JAM3: variants seen among roughly 807,000 people sequenced by gnomAD.
JAM3 encodes the protein junctional adhesion molecule 3, also known as junctional adhesion molecule C.
JAM3 carries 31 observed loss-of-function variants against 39.4 expected under a neutral mutation model. That is an observed-to-expected ratio of 0.79 (90% CI 0.59 to 1.06). The LOEUF is 1.06. JAM3 is among the 50% of genes least tolerant of loss of function. The probability of loss-of-function intolerance (pLI) is 0.00; values close to 1 mark genes in which losing one functional copy is unlikely to be tolerated. For missense variants in JAM3, 455 were observed against 391.4 expected (o/e 1.16, Z -1.37); for synonymous variants, 182 against 148.7 (o/e 1.22, Z -1.63).
intron 1 of JAM3, among the ~76,000 whole-genome samples, chr11:134,111,160 T>G (rs976999987): frequency 1.6e-5 from 2 of 127,116 alleles, no homozygotes; most frequent in East Asian, 5.3e-4. Context: ...TTTTTTTTTT[T>G]TGAGATGGAG....
At chr11:134,137,085 C>T (rs1029236473) in intron 1 of JAM3, among the ~76,000 whole-genome samples, 1 of 150,344 alleles carries the variant, frequency 6.7e-6, no homozygotes, top group Non-Finnish European at 1.5e-5. Flanking sequence ...TGCACTCCAG[C>T]CTGGCTGACA....
At chr11:134,109,048 C>G (rs1030380541) in intron 1 of JAM3, among the ~76,000 whole-genome samples, 1 of 152,118 alleles carries the variant, frequency 6.6e-6, no homozygotes, top group African/African-American at 2.4e-5. Flanking sequence ...CCTCCACCTC[C>G]CAGGTTCAAG....
At chr11:134,103,394 G>C (rs867447193) in intron 1 of JAM3, among the ~76,000 whole-genome samples, 9 of 152,176 alleles carry the variant, frequency 5.9e-5, no homozygotes, top group African/African-American at 2.2e-4. Context: ...ACCAGTACCA[G>C]CCACTGCAAA....
chr11:134,141,866 G>A (rs928076259), intron 3 of JAM3, among the ~76,000 whole-genome samples: 25 of 151,964 alleles, frequency 1.6e-4, no homozygotes, highest in Non-Finnish European at 1.3e-4. Flanking sequence ...TGCATGAGTC[G>A]GAGCCTGTGG....
At chr11:134,071,275 A>G (rs1941481225) in intron 1 of JAM3, among the ~76,000 whole-genome samples, 1 of 152,216 alleles carries the variant, frequency 6.6e-6, no homozygotes, top group Non-Finnish European at 1.5e-5. Flanking sequence ...TTTGTGGATG[A>G]GGGAACAGAA....
chr11:134,118,182 C>T (rs1403413664), intron 1 of JAM3, among the ~76,000 whole-genome samples: 2 of 152,188 alleles, frequency 1.3e-5, no homozygotes, highest in South Asian at 2.1e-4. Context: ...TGTGTTTAGT[C>T]ATACACATTT....
chr11:134,140,988 A>T (rs1177639828), intron 3 of JAM3, among the ~76,000 whole-genome samples: 4 of 152,076 alleles, frequency 2.6e-5, no homozygotes, highest in African/African-American at 9.7e-5. Flanking sequence ...CCCAGCATCA[A>T]CAAGTGCAGT....
chr11:134,105,047 CAA>C (rs965988435), intron 1 of JAM3, among the ~76,000 whole-genome samples: 2 of 151,922 alleles, frequency 1.3e-5, no homozygotes, highest in African/African-American at 4.8e-5. Context: ...GGCAGAGACA[CAA>C]AAAAAGAGAA....
chr11:134,104,785 C>T (rs966299564), intron 1 of JAM3, among the ~76,000 whole-genome samples: 5 of 152,096 alleles, frequency 3.3e-5, no homozygotes, highest in South Asian at 2.1e-4. Flanking sequence ...GACACATACA[C>T]CCTCCCAAGA....
chr11:134,079,409 G>A lies in JAM3; in HGVS notation c.76+10250G>A, dbSNP rs140195976. ...GCTTTCCAGCTGAAATCTGGATTCCGTTCTCCACAGGATGAAGTGCTGGTT... is the reference window on the plus strand; with the variant it reads ...GCTTTCCAGCTGAAATCTGGATTCCATTCTCCACAGGATGAAGTGCTGGTT... On this transcript the variant is annotated intron_variant, in intron 1 of 8. Coordinates refer to ENST00000299106, the MANE Select transcript of JAM3 (RefSeq NM_032801.5). 5.3e-3 allele frequency among the ~76,000 whole-genome samples: 800 copies of A among 152,224 alleles called. 9 individuals are homozygous for A. The highest frequency in any genetic ancestry group is 0.018 in the African/African-American group (752 of 41,528).
At chr11:134,089,968 C>T (rs1941815306) in intron 1 of JAM3, among the ~76,000 whole-genome samples, 1 of 152,168 alleles carries the variant, frequency 6.6e-6, no homozygotes. Context: ...TCTCCAGCAC[C>T]TGTTGTTTCC....
chr11:134,071,094 A>G (rs1235257740), intron 1 of JAM3, among the ~76,000 whole-genome samples: 1 of 152,022 alleles, frequency 6.6e-6, no homozygotes, highest in Non-Finnish European at 1.5e-5. Context: ...TTTTATGATT[A>G]TTCTCAATTG....
At chr11:134,127,882 CCAT>C (rs990655188) in intron 1 of JAM3, among the ~76,000 whole-genome samples, 9 of 152,136 alleles carry the variant, frequency 5.9e-5, no homozygotes, top group Non-Finnish European at 1.0e-4. Flanking sequence ...GGGGACCTCT[CCAT>C]CATCACCTGT....
intron 3 of JAM3, among the ~76,000 whole-genome samples, chr11:134,141,758 A>G (rs935363067): frequency 6.6e-6 from 1 of 151,964 alleles, no homozygotes; most frequent in African/African-American, 2.4e-5. Flanking sequence ...GGCTGTGCCA[A>G]GGGGCACAGA....
rs183922553 is a variant in JAM3, at chr11:134,103,965, C to T, written c.76+34806C>T. On this transcript the variant is annotated intron_variant, in intron 1 of 8. Transcript: ENST00000299106. ...AGACAGATCAACGAGACAAAGTTAA[C>T]AAGGATATCCAGGAATTGAACTCAG... Among the ~76,000 whole-genome samples, 196 of 152,258 alleles carry T rather than the reference C, an allele frequency of 1.3e-3. 1 individual carries two copies. Among genetic ancestry groups the T allele is most frequent in the Non-Finnish European group, 2.6e-3 (177 of 68,016 alleles).
chr11:134,081,368 G>A (rs970042362), intron 1 of JAM3, among the ~76,000 whole-genome samples: 2 of 152,236 alleles, frequency 1.3e-5, no homozygotes, highest in African/African-American at 4.8e-5. Flanking sequence ...CAGGCCTGGA[G>A]GCCTAGGAGG....
At chr11:134,069,420 A>G (rs1003316242) in intron 1 of JAM3, among the ~76,000 whole-genome samples, 1 of 152,050 alleles carries the variant, frequency 6.6e-6, no homozygotes, top group African/African-American at 2.4e-5. Context: ...GGCCCGTCCC[A>G]GGCAGTGAGT....
At chr11:134,091,987 T>C (rs932390261) in intron 1 of JAM3, among the ~76,000 whole-genome samples, 1 of 152,180 alleles carries the variant, frequency 6.6e-6, no homozygotes, top group Non-Finnish European at 1.5e-5. Context: ...TAGTCATTTC[T>C]GTACATTTTA....
intron 1 of JAM3, among the ~76,000 whole-genome samples, chr11:134,093,176 T>G (rs1418417861): frequency 1.6e-5 from 2 of 127,690 alleles, no homozygotes; most frequent in African/African-American, 6.2e-5. Flanking sequence ...TGAGGGAAGC[T>G]TCTCCTGAAC....
Sources: allele counts gnomAD v4.1 joint callset (sites outside exome capture counted in the v4.1 genomes callset), GRCh38; gene constraint gnomAD v4.1.1; transcripts MANE v1.5; gene names NCBI Gene and HGNC (gene_info 2026-07-23, HGNC 2026-07-21).